Variants in NCK2 observed in about 807,000 individuals in gnomAD.
The protein encoded by NCK2 is cytoplasmic protein NCK2.
In NCK2, 16 loss-of-function variants were observed where a neutral mutation model predicts 33.9. The ratio of observed to expected loss-of-function variants is 0.47; its 90% CI spans 0.32 to 0.72. The LOEUF (loss-of-function observed/expected upper bound fraction) is 0.72, where lower values mean the gene tolerates loss of function less well. NCK2 is among the 30% of genes least tolerant of loss of function. The pLI is 0.03. For missense variants in NCK2, 418 were observed against 537.3 expected (o/e 0.78, Z 2.19); for synonymous variants, 273 against 239.9 (o/e 1.14, Z -1.27).
At chr2:105,794,043 C>T (rs1005649832) in intron 1 of NCK2, among the ~76,000 whole-genome samples, 6 of 138,718 alleles carry the variant, frequency 4.3e-5, no homozygotes, top group African/African-American at 7.6e-5. Context: ...TTGTATCTTT[C>T]GATTTTTTTT....
intron 4 of NCK2, among the ~76,000 whole-genome samples, chr2:105,888,526 A>C (rs1221639055): frequency 6.6e-6 from 1 of 152,236 alleles, no homozygotes; most frequent in South Asian, 2.1e-4. Context: ...TTTTAGTCCA[A>C]TCATAGAAAA....
At chr2:105,803,962 T>G (rs1214634032) in intron 1 of NCK2, among the ~76,000 whole-genome samples, 2 of 152,218 alleles carry the variant, frequency 1.3e-5, no homozygotes, top group African/African-American at 4.8e-5. Context: ...CCTTGTGAGT[T>G]GTGAATCTGA....
intron 1 of NCK2, chr2:105,745,865 G>T (rs553290093): frequency 2.6e-5 from 4 of 152,222 alleles, no homozygotes; most frequent in Admixed American, 6.5e-5. Context: ...TAATCACCGA[G>T]TGCTTTTGGA....
At chr2:105,882,256 G>A (rs1678537141) in intron 4 of NCK2, among the ~76,000 whole-genome samples, 1 of 152,220 alleles carries the variant, frequency 6.6e-6, no homozygotes, top group Non-Finnish European at 1.5e-5. Flanking sequence ...GGAGGTGGGA[G>A]ATTAACTAAA....
rs1553458574 is a variant in NCK2 at position 105,835,388 on chromosome 2, C to CAT, written c.-17+18791_-17+18792dup. Among the ~76,000 whole-genome samples, 32 of 52,108 alleles carry CAT rather than the reference C, an allele frequency of 6.1e-4. 3 individuals carry two copies. Among genetic ancestry groups the CAT allele is most frequent in the African/African-American group, 1.1e-3 (15 of 13,790 alleles). 34.2% of individuals were successfully genotyped at this position (52,108 alleles called of 152,430 possible). ...TTATATATATATACATATATATACA[C>CAT]ATATATATATATATATACGTGTATA... On this transcript the variant is annotated intron_variant, in intron 2 of 4. Transcript: ENST00000233154.
chr2:105,843,434 T>G (rs1676724953), intron 2 of NCK2, among the ~76,000 whole-genome samples: 1 of 151,538 alleles, frequency 6.6e-6, no homozygotes, highest in Non-Finnish European at 1.5e-5. Context: ...CTCTTTATTT[T>G]GTAAAGGATT....
intron 1 of NCK2, among the ~76,000 whole-genome samples, chr2:105,758,250 T>G (rs541215318): frequency 6.6e-6 from 1 of 152,280 alleles, no homozygotes; most frequent in South Asian, 2.1e-4. Context: ...ATGTAAGTAA[T>G]TGAATCACAT....
intron 1 of NCK2, among the ~76,000 whole-genome samples, chr2:105,761,908 T>C (rs1689777039): frequency 6.6e-6 from 1 of 152,228 alleles, no homozygotes; most frequent in African/African-American, 2.4e-5. Flanking sequence ...CTGACCCTTT[T>C]GAACATTATT....
intron 2 of NCK2, among the ~76,000 whole-genome samples, chr2:105,843,188 T>C (rs1326928591): frequency 6.6e-6 from 1 of 152,142 alleles, no homozygotes; most frequent in African/African-American, 2.4e-5. Flanking sequence ...AAATTTATGT[T>C]TCATATATAC....
At chr2:105,757,648 G>T (rs1233861804) in intron 1 of NCK2, among the ~76,000 whole-genome samples, 1 of 152,166 alleles carries the variant, frequency 6.6e-6, no homozygotes, top group East Asian at 1.9e-4. Flanking sequence ...AGCCTTTGGG[G>T]AGCCTGTAAA....
intron 2 of NCK2, among the ~76,000 whole-genome samples, chr2:105,818,386 C>A (rs1475577218): frequency 6.6e-6 from 1 of 151,364 alleles, no homozygotes; most frequent in African/African-American, 2.4e-5. Context: ...ATATAACAAA[C>A]CTGCACGTTT....
chr2:105,853,397 A>G (rs1009210434), intron 2 of NCK2, among the ~76,000 whole-genome samples: 2 of 152,152 alleles, frequency 1.3e-5, no homozygotes, highest in Non-Finnish European at 1.5e-5. Context: ...TAAACTTTTC[A>G]TTTTGGAAAA....
intron 4 of NCK2, among the ~76,000 whole-genome samples, chr2:105,886,974 A>C (rs531411742): frequency 1.3e-5 from 2 of 152,208 alleles, no homozygotes; most frequent in African/African-American, 2.4e-5. Context: ...AGGCCTGTGG[A>C]GTAAATATTT....
intron 2 of NCK2, among the ~76,000 whole-genome samples, chr2:105,847,812 A>G: frequency 6.6e-6 from 1 of 152,220 alleles, no homozygotes; most frequent in East Asian, 1.9e-4. Flanking sequence ...TGTAAAATGT[A>G]TTCTGTTAGA....
chr2:105,855,959 C>T (rs1318684840), intron 3 of NCK2, among the ~76,000 whole-genome samples: 3 of 151,854 alleles, frequency 2.0e-5, no homozygotes, highest in Non-Finnish European at 4.4e-5. Flanking sequence ...CTCAGCCTCC[C>T]GAGTAGCTGG....
rs183647293 is a variant in NCK2, at chr2:105,772,253, T to G, written c.-201+27115T>G. ...CCATAGATTTATTTAGACTGTTGAT[T>G]TTTAACTTTCTCAAGGCTCAGCTCA... On this transcript the variant is annotated intron_variant, in intron 1 of 4. Transcript: ENST00000233154. 2.4e-4 allele frequency among the ~76,000 whole-genome samples: 36 copies of G among 152,212 alleles called. 3 individuals are homozygous for G. Among genetic ancestry groups the G allele is most frequent in the Admixed American group, 1.3e-3 (20 of 15,290 alleles).
intron 1 of NCK2, among the ~76,000 whole-genome samples, chr2:105,763,606 T>C (rs1689835943): frequency 6.6e-6 from 1 of 151,622 alleles, no homozygotes; most frequent in Non-Finnish European, 1.5e-5. Context: ...GGATCTGTGA[T>C]TATTTACTGT....
chr2:105,821,334 G>A (rs1675729024), intron 2 of NCK2, among the ~76,000 whole-genome samples: 1 of 152,160 alleles, frequency 6.6e-6, no homozygotes, highest in Admixed American at 6.5e-5. Flanking sequence ...TCTGTTGAGG[G>A]TGTAGCTCTG....
intron 1 of NCK2, among the ~76,000 whole-genome samples, chr2:105,787,916 G>A (rs777913252): frequency 2.4e-4 from 23 of 96,636 alleles, no homozygotes; most frequent in Admixed American, 3.7e-4. Context: ...CACCGCCCCC[G>A]ACTTGTAGAT....
Sources: allele counts gnomAD v4.1 joint callset (sites outside exome capture counted in the v4.1 genomes callset), GRCh38; gene constraint gnomAD v4.1.1; transcripts MANE v1.5; gene names NCBI Gene and HGNC (gene_info 2026-07-23, HGNC 2026-07-21).